Variants in LNX2 observed in about 807,000 individuals in gnomAD.
LNX2 encodes ligand of numb-protein X 2, also known as ligand of Numb protein X 2.
Under a neutral mutation model 66.2 loss-of-function variants are expected in LNX2, and 35 were observed. That is an observed-to-expected ratio of 0.53 (90% confidence interval 0.40 to 0.70). LNX2 has a LOEUF of 0.70. Ranked by LOEUF, LNX2 falls within the 30% of genes least tolerant of loss-of-function variation. LNX2 has a pLI of 0.00. For missense variants in LNX2, 791 were observed against 850.8 expected, an observed-to-expected ratio of 0.93 and a Z score of 0.87; for synonymous variants, 337 against 315.6, an observed-to-expected ratio of 1.07 and a Z score of -0.72.
chr13:27,583,730 ACT>A (rs1955450978), intron 1 of LNX2, among the ~76,000 whole-genome samples: 1 of 152,110 alleles, frequency 6.6e-6, no homozygotes, highest in Admixed American at 6.5e-5. Flanking sequence ...ATAAGAAGAG[ACT>A]CTAGAATGTA....
intron 1 of LNX2, among the ~76,000 whole-genome samples, chr13:27,618,532 T>C (rs895740306): frequency 1.3e-5 from 2 of 152,198 alleles, no homozygotes; most frequent in Admixed American, 6.5e-5. Flanking sequence ...CTGGAATGCT[T>C]ACCCGTTATC....
At chr13:27,613,218 A>G (rs1279831298) in intron 1 of LNX2, among the ~76,000 whole-genome samples, 1 of 152,110 alleles carries the variant, frequency 6.6e-6, no homozygotes, top group Non-Finnish European at 1.5e-5. Flanking sequence ...GTGTTTAACC[A>G]TGGGCTTCCA....
chr13:27,571,018 G>A (rs1328982369), intron 2 of LNX2, among the ~76,000 whole-genome samples: 1 of 152,184 alleles, frequency 6.6e-6, no homozygotes, highest in African/African-American at 2.4e-5. Flanking sequence ...CAGTCCCAGT[G>A]AGACAGCAAA....
At chr13:27,586,896 G>C (rs1955493255) in intron 1 of LNX2, among the ~76,000 whole-genome samples, 1 of 152,148 alleles carries the variant, frequency 6.6e-6, no homozygotes, top group Non-Finnish European at 1.5e-5. Flanking sequence ...AATAGGAAGG[G>C]AGTTTACTAC....
chr13:27,597,561 C>T (rs553874227), intron 1 of LNX2, among the ~76,000 whole-genome samples: 1 of 152,210 alleles, frequency 6.6e-6, no homozygotes, highest in South Asian at 2.1e-4. Flanking sequence ...AGAGAGAAAG[C>T]AAGGGTTCCT....
intron 2 of LNX2, among the ~76,000 whole-genome samples, chr13:27,580,594 C>T (rs1326621788): frequency 2.0e-5 from 3 of 152,134 alleles, no homozygotes; most frequent in Non-Finnish European, 4.4e-5. Flanking sequence ...TAAAACTCAT[C>T]AGCTAAATAA....
At position 27,561,328 on chromosome 13, in the gene LNX2, C is replaced by T. The variant is rs370816352; in HGVS notation, c.1224+1085G>A. On this transcript the variant is annotated intron_variant, in intron 5 of 9. Transcript: ENST00000316334. ...TGGCCTCTCACTTGACTCTTTTACT[C>T]AAACAGATGCTATAACTCTATTAGC... Among the ~76,000 whole-genome samples, 9 of 151,120 alleles carry T rather than the reference C, an allele frequency of 6.0e-5. No homozygotes were observed. The East Asian group carries it at 7.7e-4, about 13-fold the overall frequency.
At position 27,613,191 on chromosome 13, in the gene LNX2, T is replaced by A. The variant is rs112661473; in HGVS notation, c.-101+7184A>T. 4.6e-5 allele frequency among the ~76,000 whole-genome samples: 7 copies of A among 152,182 alleles called. No individual in the cohort carries two copies. The Middle Eastern group carries it at 0.01, about 222-fold the overall frequency. ...AGTCCAAGGGAGGCAAAGGTGCCAG[T>A]GGGAAGCATATTCCAGGTGTTTAAC... On this transcript the variant is annotated intron_variant, in intron 1 of 9. Coordinates refer to ENST00000316334, the MANE Select transcript of LNX2 (RefSeq NM_153371.4).
At chr13:27,592,485 A>C (rs1955554747) in intron 1 of LNX2, among the ~76,000 whole-genome samples, 1 of 152,208 alleles carries the variant, frequency 6.6e-6, no homozygotes. Context: ...AATATGTAAA[A>C]TTTGGACTGC....
At chr13:27,577,685 C>G (rs1377520350) in intron 2 of LNX2, among the ~76,000 whole-genome samples, 1 of 152,120 alleles carries the variant, frequency 6.6e-6, no homozygotes, top group African/African-American at 2.4e-5. Context: ...TAAAGGTTTT[C>G]TATTGTAAAC....
At chr13:27,613,865 AT>A (rs1242691406) in intron 1 of LNX2, among the ~76,000 whole-genome samples, 1 of 152,266 alleles carries the variant, frequency 6.6e-6, no homozygotes, top group Non-Finnish European at 1.5e-5. Flanking sequence ...AAGATTTTAA[AT>A]ACTACAAGGG....
chr13:27,577,783 A>AAAC (rs964575863), intron 2 of LNX2, among the ~76,000 whole-genome samples: 4 of 152,226 alleles, frequency 2.6e-5, no homozygotes, highest in Admixed American at 1.3e-4. Context: ...CACAATTTAA[A>AAAC]AACAACAACA....
chr13:27,593,663 G>T (rs528182069), intron 1 of LNX2, among the ~76,000 whole-genome samples: 6 of 150,378 alleles, frequency 4.0e-5, no homozygotes, highest in African/African-American at 1.5e-4. Flanking sequence ...CGCCTCCTGG[G>T]TTCAAGCGAT....
intron 1 of LNX2, among the ~76,000 whole-genome samples, chr13:27,605,492 C>T (rs670493): frequency 5.3e-5 from 8 of 151,910 alleles, no homozygotes; most frequent in Non-Finnish European, 8.8e-5. Context: ...AGTCCTTTTC[C>T]GCAAGAAGAA....
intron 2 of LNX2, among the ~76,000 whole-genome samples, chr13:27,578,337 T>C (rs1955361993): frequency 6.6e-6 from 1 of 152,222 alleles, no homozygotes. Context: ...ATCTTATGAA[T>C]TTCAATGAAA....
At chr13:27,550,534 C>A in intron 8 of LNX2, 43 bp from the exon 9 acceptor site, 1 of 1,489,570 alleles carries the variant, frequency 6.7e-7, no homozygotes, top group Non-Finnish European at 9.2e-7. Flanking sequence ...AACATGGAGG[C>A]TTTTATAGCC....
intron 1 of LNX2, among the ~76,000 whole-genome samples, chr13:27,586,138 C>T (rs1231929119): frequency 1.3e-5 from 2 of 150,744 alleles, no homozygotes; most frequent in Non-Finnish European, 3.0e-5. Context: ...CACACATACA[C>T]ATATATATTG....
intron 1 of LNX2, among the ~76,000 whole-genome samples, chr13:27,596,155 T>C (rs1204161882): frequency 6.6e-6 from 1 of 152,076 alleles, no homozygotes. Context: ...TGGAGATCTG[T>C]GACAATTTGA....
At chr13:27,550,967 A>C (rs1008364657) in intron 8 of LNX2, among the ~76,000 whole-genome samples, 13 of 152,222 alleles carry the variant, frequency 8.5e-5, no homozygotes, top group African/African-American at 2.7e-4. Flanking sequence ...GCAGATAATT[A>C]TCTCTCTTTT....
Sources: gnomAD v4.1 joint callset for allele counts (sites outside exome capture counted in the v4.1 genomes callset) on GRCh38, gnomAD v4.1.1 for gene constraint, MANE v1.5 for transcripts, NCBI Gene and HGNC (gene_info 2026-07-23, HGNC 2026-07-21) for gene names.